XYLB: variants seen among roughly 807,000 people sequenced by gnomAD.
XYLB encodes the protein xylulose kinase.
In XYLB, 62 loss-of-function variants were observed where a neutral mutation model predicts 78.7. The observed-to-expected ratio is 0.79, with a 90% CI of 0.64 to 0.97. The LOEUF (loss-of-function observed/expected upper bound fraction) is 0.97. XYLB is among the 50% of genes least tolerant of loss of function. The pLI, the probability that XYLB is intolerant of heterozygous loss-of-function variation, is 0.00. For missense variants in XYLB, 687 were observed against 676.8 expected, an observed-to-expected ratio of 1.02 and a Z score of -0.17; for synonymous variants, 245 against 247.4, an observed-to-expected ratio of 0.99 and a Z score of 0.09.
downstream of XYLB, among the ~76,000 whole-genome samples, chr3:38,418,356 G>A (rs115328808): frequency 6.7e-3 from 1,027 of 152,160 alleles, 11 homozygotes; most frequent in African/African-American, 0.022. Context: ...ATAGGCATTC[G>A]TATACATTTC....
At chr3:38,375,074 C>A in intron 11 of XYLB, 70 bp from the exon 12 acceptor site, 2 of 1,230,234 alleles carry the variant, frequency 1.6e-6, no homozygotes, top group Non-Finnish European at 2.3e-6. Context: ...TGGAGTACAG[C>A]GCGTCGCTGG....
At chr3:38,426,874 T>C in the XYLB span, among the ~76,000 whole-genome samples, 11 of 152,010 alleles carry the variant, frequency 7.2e-5, no homozygotes, top group African/African-American at 1.9e-4. Flanking sequence ...CTGCTAAAAG[T>C]TGTTGGTTTA....
chr3:38,376,258 C>T, intron 13 of XYLB, 26 bp downstream of exon 13: 1 of 1,529,882 alleles, frequency 6.5e-7, no homozygotes. Context: ...GTGCCCAGGC[C>T]TGTGAAGGGT....
At chr3:38,360,742 T>C (rs1456743838) in intron 3 of XYLB, among the ~76,000 whole-genome samples, 1 of 152,232 alleles carries the variant, frequency 6.6e-6, no homozygotes, top group Non-Finnish European at 1.5e-5. Context: ...CCATGAAATA[T>C]ACAAACATAG....
chr3:38,442,862 A>AT, the XYLB span, among the ~76,000 whole-genome samples: 2 of 150,188 alleles, frequency 1.3e-5, no homozygotes, highest in African/African-American at 4.9e-5. Flanking sequence ...CCTGATTTGG[A>AT]TTGGGCGGGC....
the XYLB span, among the ~76,000 whole-genome samples, chr3:38,436,334 A>C: frequency 2.0e-5 from 3 of 152,178 alleles, no homozygotes; most frequent in African/African-American, 7.2e-5. Flanking sequence ...GAAATGGAAA[A>C]ATTTCTGGAC....
the XYLB span, among the ~76,000 whole-genome samples, chr3:38,442,536 T>G: frequency 6.6e-6 from 1 of 152,114 alleles, no homozygotes; most frequent in South Asian, 2.1e-4. Context: ...GAAGGCATCC[T>G]TGAGGTCCAG....
At chr3:38,410,905 A>G (rs1708553807) in intron 18 of XYLB, among the ~76,000 whole-genome samples, 1 of 151,952 alleles carries the variant, frequency 6.6e-6, no homozygotes, top group Non-Finnish European at 1.5e-5. Context: ...GGATGTGGAG[A>G]AATAGGAACA....
intron 9 of XYLB, among the ~76,000 whole-genome samples, chr3:38,370,784 GGCCC>G (rs760027568): frequency 2.0e-5 from 3 of 152,184 alleles, no homozygotes; most frequent in Non-Finnish European, 4.4e-5. Flanking sequence ...CCATCACAGC[GGCCC>G]CACCCATTTG....
chr3:38,449,326 T>C, the XYLB span, among the ~76,000 whole-genome samples: 32 of 152,302 alleles, frequency 2.1e-4, no homozygotes, highest in Middle Eastern at 3.4e-3. Context: ...TTTCACCGTG[T>C]TGGCCAGAAT....
chr3:38,395,707 T>G, intron 16 of XYLB, 144 bp downstream of exon 16: 1 of 837,894 alleles, frequency 1.2e-6, no homozygotes, highest in Non-Finnish European at 1.9e-6. Flanking sequence ...GAAGCAGCTC[T>G]GTTGCCTTAC....
intron 5 of XYLB, 70 bp from the exon 6 acceptor site, chr3:38,365,538 C>A (rs978224600): frequency 6.5e-7 from 1 of 1,548,714 alleles, no homozygotes; most frequent in Non-Finnish European, 8.7e-7. Flanking sequence ...GCAGTGTGAC[C>A]GCCAGCCCTG....
At chr3:38,408,156 TA>T (rs1471701478) in intron 18 of XYLB, among the ~76,000 whole-genome samples, 1 of 151,642 alleles carries the variant, frequency 6.6e-6, no homozygotes, top group Admixed American at 6.6e-5. Context: ...TCAGCAAACG[TA>T]AAAGAACAGA....
intron 15 of XYLB, among the ~76,000 whole-genome samples, chr3:38,384,322 T>C (rs1225981712): frequency 1.3e-5 from 2 of 152,216 alleles, no homozygotes; most frequent in Non-Finnish European, 2.9e-5. Flanking sequence ...TGCCTCGGCC[T>C]CCCAAAGTGC....
chr3:38,376,096 G>A, intron 12 of XYLB, 21 bp from the exon 13 acceptor site: 1 of 1,543,304 alleles, frequency 6.5e-7, no homozygotes, highest in Non-Finnish European at 9.0e-7. Context: ...CCCTCCCTCA[G>A]AGCTATGCCC....
In XYLB at chr3:38,376,137, TGA is replaced by T; in HGVS notation, c.1032_1033del (p.Lys345AspfsTer15). On this transcript the variant is annotated frameshift_variant, in exon 13 of 19. Transcript: ENST00000207870. LOFTEE classifies it high-confidence loss of function. ...TGCAGCTTTAAAAATGGCTCCCTCA[TGA>T]GAGAGAAGATCCGCAACGAGTCTGT... The T allele has an allele frequency of 2.5e-6, 4 of 1,613,846 alleles. No individual in the cohort carries two copies. Among genetic ancestry groups the T allele is most frequent in the Non-Finnish European group, 3.4e-6 (4 of 1,179,758 alleles).
At chr3:38,418,472 G>A (rs1020432081), downstream of XYLB, among the ~76,000 whole-genome samples, 1 of 152,102 alleles carries the variant, frequency 6.6e-6, no homozygotes, top group Non-Finnish European at 1.5e-5. Flanking sequence ...TCTGCACAAA[G>A]ACACAATTCC....
intron 1 of XYLB, among the ~76,000 whole-genome samples, chr3:38,348,123 A>G (rs1705169134): frequency 6.6e-6 from 1 of 152,210 alleles, no homozygotes; most frequent in Non-Finnish European, 1.5e-5. Flanking sequence ...CTGTGAGAAT[A>G]GCCCATGGCC....
At chr3:38,387,424 G>T (rs547667162) in intron 15 of XYLB, among the ~76,000 whole-genome samples, 2 of 152,134 alleles carry the variant, frequency 1.3e-5, no homozygotes, top group East Asian at 3.9e-4. Context: ...AGGCTGGAGT[G>T]CAGTGGCATG....
Sources: gnomAD v4.1 joint callset for allele counts (sites outside exome capture counted in the v4.1 genomes callset) on GRCh38, gnomAD v4.1.1 for gene constraint, MANE v1.5 for transcripts, NCBI Gene and HGNC (gene_info 2026-07-23, HGNC 2026-07-21) for gene names.